Variants in FMN1 observed in about 807,000 individuals in gnomAD.
The protein encoded by FMN1 is formin-1.
FMN1 carries 110 observed loss-of-function variants against 132.4 expected under a neutral mutation model. The ratio of observed to expected loss-of-function variants is 0.83; its 90% CI spans 0.71 to 0.97. FMN1 has a LOEUF of 0.97. FMN1 is among the 50% of genes least tolerant of loss of function. The pLI, the probability that FMN1 is intolerant of heterozygous loss-of-function variation, is 0.00. For missense variants in FMN1, 1,792 were observed against 1,705.3 expected, an observed-to-expected ratio of 1.05 and a Z score of -0.90; for synonymous variants, 722 against 651.7, an observed-to-expected ratio of 1.11 and a Z score of -1.64.
chr15:33,062,843 G>A (rs993332810), intron 6 of FMN1: 6 of 152,104 alleles, frequency 3.9e-5, no homozygotes, highest in African/African-American at 1.4e-4. Flanking sequence ...GAGATTTTCT[G>A]AGATCAGTAA....
intron 6 of FMN1, among the ~76,000 whole-genome samples, chr15:33,056,941 C>T (rs1010131511): frequency 5.9e-5 from 9 of 152,194 alleles, no homozygotes; most frequent in African/African-American, 2.2e-4. Flanking sequence ...CTTTGGGAGG[C>T]TGAGGCAGGC....
At chr15:33,006,874 AG>A (rs1472750106) in intron 7 of FMN1, among the ~76,000 whole-genome samples, 1 of 152,098 alleles carries the variant, frequency 6.6e-6, no homozygotes, top group African/African-American at 2.4e-5. Flanking sequence ...GGTGGTTACC[AG>A]GGGCTAGGGG....
chr15:32,978,244 A>T (rs2032371528), intron 7 of FMN1, among the ~76,000 whole-genome samples: 1 of 152,228 alleles, frequency 6.6e-6, no homozygotes, highest in Non-Finnish European at 1.5e-5. Flanking sequence ...TAGTCATCCA[A>T]GGAAGTAGCA....
rs369942861 is a variant in FMN1 at position 32,950,018 on chromosome 15, C to CAT, written c.3138+14087_3138+14088dup. Among the ~76,000 whole-genome samples, 12 of 3,926 alleles carry CAT rather than the reference C, an allele frequency of 3.1e-3. 3 individuals are homozygous for CAT. The highest frequency in any genetic ancestry group is 5.7e-3 in the African/African-American group (12 of 2,106). 2.6% of individuals were successfully genotyped at this position (3,926 alleles called of 152,430 possible). ...ATACACATACACATATATATATACACATATATATATATATACACATATATA... is the reference window on the plus strand; with the variant it reads ...ATACACATACACATATATATATACACATATATATATATATATACACATATATA... On this transcript the variant is annotated intron_variant, in intron 9 of 20. Coordinates refer to ENST00000616417, the MANE Select transcript of FMN1 (RefSeq NM_001277313.2).
chr15:33,041,324 A>C (rs886324999), intron 6 of FMN1, among the ~76,000 whole-genome samples: 1 of 151,684 alleles, frequency 6.6e-6, no homozygotes, highest in African/African-American at 2.4e-5. Context: ...CTTTAAAATC[A>C]GGAGTAACAC....
At chr15:32,942,128 C>A (rs924482557) in intron 9 of FMN1, among the ~76,000 whole-genome samples, 6 of 152,184 alleles carry the variant, frequency 3.9e-5, no homozygotes, top group African/African-American at 1.4e-4. Context: ...GTCACACGTG[C>A]GTACTATTAC....
chr15:33,166,878 C>T (rs7173471), intron 3 of FMN1, among the ~76,000 whole-genome samples: 44,434 of 152,086 alleles, frequency 0.29, 10,875 homozygotes, highest in African/African-American at 0.67. Flanking sequence ...AAGGGAAGCA[C>T]TGGGCCATGA....
At chr15:32,885,570 T>C (rs2059877751) in intron 16 of FMN1, among the ~76,000 whole-genome samples, 1 of 152,190 alleles carries the variant, frequency 6.6e-6, no homozygotes, top group African/African-American at 2.4e-5. Flanking sequence ...CCTCACAAGG[T>C]CACTGCAGAA....
intron 10 of FMN1, among the ~76,000 whole-genome samples, chr15:32,924,521 C>T (rs754939426): frequency 3.9e-5 from 6 of 152,124 alleles, no homozygotes; most frequent in Admixed American, 6.5e-5. Context: ...CCTAAAGGGC[C>T]GTGTGGTGTC....
chr15:33,033,670 T>TG (rs2036053856), intron 6 of FMN1, among the ~76,000 whole-genome samples: 3 of 95,214 alleles, frequency 3.2e-5, no homozygotes, highest in Non-Finnish European at 6.9e-5. Context: ...TACCTCATGG[T>TG]TTTTTTTTTT....
intron 6 of FMN1, among the ~76,000 whole-genome samples, chr15:33,054,163 T>C (rs988623112): frequency 6.6e-5 from 10 of 152,290 alleles, no homozygotes; most frequent in South Asian, 2.1e-4. Context: ...AATGGGCTCA[T>C]TGAATAATAA....
chr15:33,177,986 C>T lies in FMN1; in HGVS notation c.-132+2212G>A, dbSNP rs148833532. Among the ~76,000 whole-genome samples the T allele has an allele frequency of 3.4e-3, 519 of 152,084 alleles. 2 individuals carry two copies. The highest frequency in any genetic ancestry group is 0.012 in the African/African-American group (502 of 41,464). ...TTTTGCCATTGGACTCCAGCGTGGG[C>T]AACGAGAGCGAAACTCTGTCTCAAA... On this transcript the variant is annotated intron_variant, in intron 3 of 20. Transcript: ENST00000616417.
chr15:33,003,675 C>G (rs959151930), intron 7 of FMN1, among the ~76,000 whole-genome samples: 3 of 152,066 alleles, frequency 2.0e-5, no homozygotes, highest in African/African-American at 4.8e-5. Context: ...ACTTTCTTCA[C>G]AGAATTGGAA....
intron 15 of FMN1, among the ~76,000 whole-genome samples, chr15:32,897,786 C>T (rs1471785891): frequency 2.7e-5 from 4 of 150,394 alleles, no homozygotes; most frequent in Non-Finnish European, 5.9e-5. Context: ...TGAAATTCTC[C>T]AAGTGAGTGG....
intron 3 of FMN1, among the ~76,000 whole-genome samples, chr15:33,177,376 TCTACCAGGGCAGGGCAAA>T (rs1239158381): frequency 6.6e-6 from 1 of 152,206 alleles, no homozygotes; most frequent in Non-Finnish European, 1.5e-5. Flanking sequence ...TGAGATGGTT[TCTACCAGGGCAGGGCAAA>T]CTAAGAAAAA....
intron 19 of FMN1, among the ~76,000 whole-genome samples, chr15:32,794,984 C>A (rs553496978): frequency 2.1e-3 from 313 of 152,122 alleles, no homozygotes; most frequent in Admixed American, 4.8e-3. Flanking sequence ...TTGTTTGAGC[C>A]CAGGAGTTTG....
At chr15:32,811,145 T>C in intron 17 of FMN1, 1 of 454,532 alleles carries the variant, frequency 2.2e-6, no homozygotes, top group Non-Finnish European at 4.4e-6. Flanking sequence ...ACAACAGATA[T>C]TTGGAACCAG....
At chr15:32,810,759 G>C (rs2057848429) in intron 17 of FMN1, 1 of 220,270 alleles carries the variant, frequency 4.5e-6, no homozygotes, top group Admixed American at 5.0e-5. Context: ...CCATCTGGGA[G>C]GCAGTAAATT....
At chr15:33,117,344 C>T (rs984646257) in intron 4 of FMN1, among the ~76,000 whole-genome samples, 4 of 151,948 alleles carry the variant, frequency 2.6e-5, no homozygotes, top group Non-Finnish European at 5.9e-5. Flanking sequence ...TAAGAGTAAT[C>T]TAAAATCTTG....
Sources: allele counts gnomAD v4.1 joint callset (sites outside exome capture counted in the v4.1 genomes callset), GRCh38; gene constraint gnomAD v4.1.1; transcripts MANE v1.5; gene names NCBI Gene and HGNC (gene_info 2026-07-23, HGNC 2026-07-21).